ZNF581: variants seen among roughly 807,000 people sequenced by gnomAD.
ZNF581 encodes the protein zinc finger protein 581.
A neutral mutation model predicts 1.2 loss-of-function variants in ZNF581; 1 was observed. That is an observed-to-expected ratio of 0.83 (90% CI 0.30 to 3.95). The LOEUF is 3.95. Ranked by LOEUF, ZNF581 falls within the 30% of genes most tolerant of loss-of-function variation. The pLI is 0.18. For missense variants in ZNF581, 273 were observed against 274.6 expected, an observed-to-expected ratio of 0.99 and a Z score of 0.04; for synonymous variants, 105 against 109.2, an observed-to-expected ratio of 0.96 and a Z score of 0.24.
In ZNF581 at chr19:55,645,153, G is replaced by C; in HGVS notation, c.582G>C (p.Trp194Cys). ...EQNTLQKHTR[W>C]KHP ...ACACACTGCAGAAACACACGCGGTG[G>C]AAGCATCCATGAGCCGGGCTGCCGG... The change falls in exon 2 of 2, where the codon TGG becomes TGC. Residue 194 changes from tryptophan to cysteine, a missense_variant. Physicochemically the swap from Trp to Cys is radical, Grantham distance 215. Coordinates refer to ENST00000270451, the MANE Select transcript of ZNF581 (RefSeq NM_016535.4). 6.6e-7 allele frequency: 1 copy of C among 1,514,912 alleles called. No homozygotes were observed. Among genetic ancestry groups the C allele is most frequent in the Non-Finnish European group, 8.9e-7 (1 of 1,129,126 alleles). The allele number at this position is 1,514,912 out of a possible 1,614,324, so 93.8% of individuals were successfully genotyped here. A position where few individuals can be genotyped will look rare whatever the true frequency, so the allele number is the denominator to read the frequency against.
chr19:55,638,815 T>G (rs1365858655), upstream of ZNF581, among the ~76,000 whole-genome samples: 2 of 151,944 alleles, frequency 1.3e-5, no homozygotes, highest in African/African-American at 4.8e-5. Context: ...TGGTGAAACC[T>G]GTCTCTACCA....
At chr19:55,639,438 ACT>A (rs746863019), upstream of ZNF581, among the ~76,000 whole-genome samples, 1 of 152,094 alleles carries the variant, frequency 6.6e-6, no homozygotes, top group Non-Finnish European at 1.5e-5. Context: ...ACAGAGTGAG[ACT>A]CTGTCTCAAA....
chr19:55,638,289 A>G (rs1323592910), upstream of ZNF581, among the ~76,000 whole-genome samples: 1 of 152,092 alleles, frequency 6.6e-6, no homozygotes, highest in Non-Finnish European at 1.5e-5. Flanking sequence ...GCCAGGCTGG[A>G]GTGCAGTGGC....
chr19:55,640,813 C>G (rs908308840), upstream of ZNF581: 2 of 985,402 alleles, frequency 2.0e-6, no homozygotes, highest in Admixed American at 6.1e-5. Context: ...ATTGGCCGAT[C>G]TCTTGTCAAG....
upstream of ZNF581, among the ~76,000 whole-genome samples, chr19:55,636,578 T>C (rs1223225103): frequency 4.6e-5 from 7 of 152,072 alleles, no homozygotes; most frequent in Non-Finnish European, 1.0e-4. Flanking sequence ...TGAAAGACCT[T>C]TGATAGATTC....
upstream of ZNF581, chr19:55,643,346 T>A (rs1982652788): frequency 2.9e-6 from 1 of 341,816 alleles, no homozygotes; most frequent in Non-Finnish European, 5.5e-6. Flanking sequence ...TCTGGAGCGG[T>A]GAACCGGTGG....
Position 55,645,069 on chromosome 19 carries a change from G to A in ZNF581, c.498G>A (p.Val166=), listed in dbSNP as rs1359008291. 1.9e-6 allele frequency: 3 copies of A among 1,564,994 alleles called. No homozygotes were observed. The highest frequency in any genetic ancestry group is 2.6e-6 in the Non-Finnish European group (3 of 1,149,396). Residue 166 remains valine, a synonymous_variant, in exon 2 of 2, where the codon GTG becomes GTA. Transcript: ENST00000270451. ...GTGAGCTGGCCCAGCACAGCCGGGT[G>A]CACTCTGGGGAACGCCCGTTTCAGT... ...DAGELAQHSR[V]HSGERPFQCP... is the part of the protein sequence containing the mutation.
upstream of ZNF581, among the ~76,000 whole-genome samples, chr19:55,638,186 A>G (rs1982206529): frequency 1.3e-5 from 2 of 152,130 alleles, no homozygotes; most frequent in South Asian, 4.1e-4. Flanking sequence ...GGTAGTTGGC[A>G]TATCTCATGG....
upstream of ZNF581, chr19:55,642,725 C>A: frequency 6.6e-7 from 1 of 1,510,920 alleles, no homozygotes; most frequent in Admixed American, 2.2e-5. Flanking sequence ...GGAGGAGGAG[C>A]CCCGGGGCCC....
upstream of ZNF581, chr19:55,642,013 G>T (rs3745449): frequency 2.5e-5 from 25 of 983,810 alleles, no homozygotes; most frequent in East Asian, 2.7e-3. Context: ...GCCGATACGG[G>T]GGCCGGTGGG....
At chr19:55,642,980 C>T (rs1430678291), upstream of ZNF581, 3 of 1,378,496 alleles carry the variant, frequency 2.2e-6, no homozygotes, top group African/African-American at 1.5e-5. Context: ...CTGCCCACGC[C>T]GCTTCCAGGA....
At chr19:55,642,853 G>A, upstream of ZNF581, 1 of 1,575,110 alleles carries the variant, frequency 6.3e-7, no homozygotes. Flanking sequence ...TGTCGCACTC[G>A]GACCTCAAGC....
chr19:55,640,673 G>A, upstream of ZNF581: 1 of 985,488 alleles, frequency 1.0e-6, no homozygotes, highest in African/African-American at 1.7e-5. Flanking sequence ...TCAGCCGGCA[G>A]GAACATCCCT....
At chr19:55,637,562 C>T (rs948046818), upstream of ZNF581, among the ~76,000 whole-genome samples, 4 of 151,614 alleles carry the variant, frequency 2.6e-5, no homozygotes, top group South Asian at 2.1e-4. Flanking sequence ...ACAAAAAAAA[C>T]GAGAGGGGAG....
chr19:55,640,362 C>G (rs2123623729), upstream of ZNF581: 1 of 985,490 alleles, frequency 1.0e-6, no homozygotes, highest in Non-Finnish European at 1.2e-6. Context: ...TCCAGTGGGC[C>G]CCGTGGGCAG....
chr19:55,642,855 A>G, upstream of ZNF581: 1 of 1,572,002 alleles, frequency 6.4e-7, no homozygotes, highest in Non-Finnish European at 8.6e-7. Flanking sequence ...TCGCACTCGG[A>G]CCTCAAGCCC....
upstream of ZNF581, among the ~76,000 whole-genome samples, chr19:55,637,116 A>T (rs1015143648): frequency 6.6e-6 from 1 of 151,072 alleles, no homozygotes; most frequent in Admixed American, 6.6e-5. Context: ...ACCTCTGCCT[A>T]ATTATTATTA....
At chr19:55,640,532 T>C (rs1165598325), upstream of ZNF581, 2 of 985,308 alleles carry the variant, frequency 2.0e-6, no homozygotes, top group African/African-American at 3.5e-5. Context: ...GGAAAGAACA[T>C]ACCTTCCCCA....
Position 55,644,511 on chromosome 19 carries a change from C to A in ZNF581, c.-19-42C>A. 1 of 1,292,874 alleles carries A rather than the reference C, an allele frequency of 7.7e-7. No individual in the cohort carries two copies. The highest frequency in any genetic ancestry group is 2.4e-5 in the Admixed American group (1 of 41,524). 80.1% of individuals were successfully genotyped at this position (1,292,874 alleles called of 1,614,324 possible). ...GATGGAGCCTGTGGTGCTGAGCTGCCCTCTTCTATATAACCTTCTTATCCC... is the reference window on the plus strand; with the variant it reads ...GATGGAGCCTGTGGTGCTGAGCTGCACTCTTCTATATAACCTTCTTATCCC... On this transcript the variant is annotated intron_variant, in intron 1 of 1. Transcript: ENST00000270451. This position sits in a 1 kb window ranked among gnomAD's most constrained non-coding sequence, Gnocchi z 4.3.
Sources: allele counts gnomAD v4.1 joint callset (sites outside exome capture counted in the v4.1 genomes callset), GRCh38; gene constraint gnomAD v4.1.1; non-coding constraint Gnocchi (gnomAD v3.1); transcripts MANE v1.5; gene names NCBI Gene and HGNC (gene_info 2026-07-23, HGNC 2026-07-21).